The following ASPRV1 variants were observed in gnomAD, a reference collection of about 807,000 sequenced individuals.
ASPRV1 encodes retroviral-like aspartic protease 1.
ASPRV1 carries 7 observed loss-of-function variants against 11.0 expected under a neutral mutation model. That is an observed-to-expected ratio of 0.64 (90% CI 0.36 to 1.20). ASPRV1 has a LOEUF of 1.20. ASPRV1 is among the 50% of genes most tolerant of loss of function. ASPRV1 has a pLI of 0.02. For missense variants in ASPRV1, 299 were observed against 320.0 expected (o/e 0.93, Z 0.50); for synonymous variants, 136 against 138.4 (o/e 0.98, Z 0.12).
chr2:70,024,064 A>G, the ASPRV1 span, among the ~76,000 whole-genome samples: 1 of 151,238 alleles, frequency 6.6e-6, no homozygotes, highest in Non-Finnish European at 1.5e-5. Flanking sequence ...CAACCTGGCC[A>G]ACAAAGCAAA....
chr2:70,025,067 T>C, the ASPRV1 span, among the ~76,000 whole-genome samples: 1 of 152,246 alleles, frequency 6.6e-6, no homozygotes, highest in Non-Finnish European at 1.5e-5. Context: ...TGATTGGATG[T>C]ATAAAAATTA....
chr2:69,996,409 T>C, the ASPRV1 span, among the ~76,000 whole-genome samples: 2 of 151,862 alleles, frequency 1.3e-5, no homozygotes, highest in South Asian at 2.1e-4. Flanking sequence ...AAATTCAATT[T>C]TAATTCATTA....
At chr2:69,971,390 T>G in the ASPRV1 span, 1 of 152,130 alleles carries the variant, frequency 6.6e-6, no homozygotes, top group African/African-American at 2.4e-5. Flanking sequence ...ACCCACCATT[T>G]GGAAAACTGC....
chr2:70,086,184 G>C, the ASPRV1 span: 3 of 152,248 alleles, frequency 2.0e-5, no homozygotes, highest in East Asian at 5.8e-4. Flanking sequence ...AAGGCCCCGG[G>C]GAGGAAGAGG....
the ASPRV1 span, chr2:69,942,121 G>A: frequency 2.6e-5 from 4 of 152,120 alleles, no homozygotes; most frequent in East Asian, 1.9e-4. Context: ...AAGGCTAAAC[G>A]CAATTTCTTG....
chr2:70,064,643 G>T, the ASPRV1 span, among the ~76,000 whole-genome samples: 3 of 152,186 alleles, frequency 2.0e-5, no homozygotes, highest in Non-Finnish European at 2.9e-5. Flanking sequence ...TGAGCTGGAG[G>T]ATGGGAAGGT....
the ASPRV1 span, among the ~76,000 whole-genome samples, chr2:70,066,276 T>C: frequency 6.6e-6 from 1 of 152,006 alleles, no homozygotes; most frequent in Non-Finnish European, 1.5e-5. Flanking sequence ...TTCGCTCTTG[T>C]TGCCCAGGCT....
the ASPRV1 span, chr2:69,937,067 G>T: frequency 2.3e-6 from 2 of 864,870 alleles, no homozygotes; most frequent in Non-Finnish European, 4.0e-6. Context: ...ACGAAGCCAG[G>T]AGTCACTGGC....
Position 69,961,010 on chromosome 2 carries a change from C to T in ASPRV1, c.427G>A (p.Glu143Lys), listed in dbSNP as rs1202740074. The change falls in exon 1 of 1, where the codon GAG (glutamate) becomes AAG (lysine). Residue 143 changes from glutamate to lysine, a missense_variant. Physicochemically the swap from Glu to Lys is moderately conservative, Grantham distance 56. Coordinates refer to ENST00000320256, the MANE Select transcript of ASPRV1 (RefSeq NM_152792.4). ...VSVVHPNLWE[E>K]VTDGDLDTLQ... is the part of the protein sequence containing the mutation. ...GTGTCCAGATCGCCATCAGTGACCT[C>T]CTCCCACAAGTTTGGGTGGACCACA... 6.2e-7 allele frequency: 1 copy of T among 1,614,012 alleles called. No homozygotes were observed. The highest frequency in any genetic ancestry group is 8.5e-7 in the Non-Finnish European group (1 of 1,180,014).
the ASPRV1 span, among the ~76,000 whole-genome samples, chr2:69,979,774 G>A: frequency 6.6e-6 from 1 of 152,202 alleles, no homozygotes; most frequent in African/African-American, 2.4e-5. Context: ...AGTTGGAGCT[G>A]AGTTGATTTC....
At chr2:69,935,141 G>C in the ASPRV1 span, among the ~76,000 whole-genome samples, 2 of 152,194 alleles carry the variant, frequency 1.3e-5, no homozygotes, top group Admixed American at 6.5e-5. Context: ...ATTATCAATA[G>C]ACTTAGCTTC....
At position 69,960,660 on chromosome 2, in the gene ASPRV1, G is replaced by A; in HGVS notation, c.777C>T (p.His259=). The change falls in exon 1 of 1, where the codon CAC becomes CAT. Residue 259 remains histidine, a synonymous_variant. Transcript: ENST00000320256. ...SSEEGRQELS[H] is the part of the protein sequence containing the mutation. ...AGGTTAAAGAAAAGGTGGCTTCTCA[G>A]TGGGATAGCTCCTGCCGCCCTTCTT... 1 of 1,609,058 alleles carries A rather than the reference G, an allele frequency of 6.2e-7. No individual in the cohort carries two copies. The highest frequency in any genetic ancestry group is 8.5e-7 in the Non-Finnish European group (1 of 1,177,746).
At chr2:69,963,006 G>A (rs780075484), upstream of ASPRV1, 1 of 319,958 alleles carries the variant, frequency 3.1e-6, no homozygotes, top group African/African-American at 2.2e-5. Context: ...TGTTTTTCCT[G>A]GCCAAGAGCC....
chr2:69,965,613 G>C (rs995612177), upstream of ASPRV1, among the ~76,000 whole-genome samples: 1 of 152,134 alleles, frequency 6.6e-6, no homozygotes, highest in Non-Finnish European at 1.5e-5. Context: ...TTGCACAGGA[G>C]CCAAGAGCTT....
chr2:69,954,957 G>A, the ASPRV1 span, among the ~76,000 whole-genome samples: 1 of 152,206 alleles, frequency 6.6e-6, no homozygotes, highest in Admixed American at 6.5e-5. Flanking sequence ...GTCCAGCTCA[G>A]AGTTACACAG....
chr2:70,076,014 C>T, the ASPRV1 span, among the ~76,000 whole-genome samples: 1 of 152,154 alleles, frequency 6.6e-6, no homozygotes, highest in African/African-American at 2.4e-5. Context: ...GCTCCATTTC[C>T]CGGTCCAGGG....
chr2:70,056,984 G>A, the ASPRV1 span, among the ~76,000 whole-genome samples: 1 of 152,020 alleles, frequency 6.6e-6, no homozygotes, highest in Admixed American at 6.5e-5. Context: ...TGATCTGCCC[G>A]CCTCAGCCTC....
chr2:70,043,480 C>A, the ASPRV1 span, among the ~76,000 whole-genome samples: 131 of 152,244 alleles, frequency 8.6e-4, 1 homozygote, highest in African/African-American at 3.0e-3. Flanking sequence ...GCTTCTGGAT[C>A]AGCTCTTTTG....
the ASPRV1 span, among the ~76,000 whole-genome samples, chr2:70,002,244 T>TGATA: frequency 6.6e-6 from 1 of 152,168 alleles, no homozygotes; most frequent in Non-Finnish European, 1.5e-5. Flanking sequence ...CTCTGAGCAT[T>TGATA]GATACCCTTT....
Sources: gnomAD v4.1 joint callset for allele counts (sites outside exome capture counted in the v4.1 genomes callset) on GRCh38, gnomAD v4.1.1 for gene constraint, MANE v1.5 for transcripts, NCBI Gene and HGNC (gene_info 2026-07-23, HGNC 2026-07-21) for gene names.